Variants in TNFAIP1 observed in about 807,000 individuals in gnomAD.
The protein encoded by TNFAIP1 is TNF alpha induced protein 1.
A neutral mutation model predicts 32.6 loss-of-function variants in TNFAIP1; 20 were observed. The ratio of observed to expected loss-of-function variants is 0.61; its 90% CI spans 0.43 to 0.89. TNFAIP1 has a LOEUF of 0.89. Ranked by LOEUF, TNFAIP1 falls within the 40% of genes least tolerant of loss-of-function variation. The probability of loss-of-function intolerance (pLI) is 0.00; values close to 1 mark genes in which losing one functional copy is unlikely to be tolerated. For missense variants in TNFAIP1, 319 were observed against 425.1 expected (o/e 0.75, Z 2.20); for synonymous variants, 166 against 166.8 (o/e 1.00, Z 0.04).
intron 1 of TNFAIP1, among the ~76,000 whole-genome samples, 151 bp downstream of exon 1, chr17:28,336,007 C>T (rs189025826): frequency 6.6e-4 from 101 of 152,196 alleles, no homozygotes; most frequent in African/African-American, 2.4e-3. Flanking sequence ...GCGTGAGAAC[C>T]GGTGTGGGTT....
chr17:28,338,197 C>G (rs1907240771), intron 1 of TNFAIP1, among the ~76,000 whole-genome samples: 1 of 152,158 alleles, frequency 6.6e-6, no homozygotes, highest in Non-Finnish European at 1.5e-5. Flanking sequence ...GTCTTGACTC[C>G]TGGGCTCAAG....
At chr17:28,341,381 C>T (rs1555578147) in intron 4 of TNFAIP1, 23 bp from the exon 5 acceptor site, 7 of 1,614,232 alleles carry the variant, frequency 4.3e-6, no homozygotes, top group Non-Finnish European at 5.9e-6. Flanking sequence ...TGGCCTGGCC[C>T]CTCACTCTGA....
rs376461261 is a variant in TNFAIP1 at position 28,342,482 on chromosome 17, C to T, written c.714+40C>T. The T allele has an allele frequency of 2.6e-6, 4 of 1,543,540 alleles. No individual in the cohort carries two copies. The highest frequency in any genetic ancestry group is 3.5e-6 in the Non-Finnish European group (4 of 1,130,050). On this transcript the variant is annotated intron_variant, in intron 6 of 6. Coordinates refer to ENST00000226225, the MANE Select transcript of TNFAIP1 (RefSeq NM_021137.5). This position sits in a 1 kb window ranked among gnomAD's most constrained non-coding sequence, Gnocchi z 4.0. The stretch of plus-strand genomic sequence containing the variant: ...CCCTGCCTGGGTAGGGGAGGACACA[C>T]ACCCACTGTGCGGGGGACGTGGTCG...
Position 28,344,390 on chromosome 17 carries a change from T to A in TNFAIP1, c.741T>A (p.Tyr247Ter). ...TKVEFPEARIYEETLNVLLYE... is the reference protein window; with the variant it reads ...TKVEFPEARI ...TGGAATTCCCAGAGGCCCGAATCTA[T>A]GAGGAGACACTCAACGTCCTACTCT... The change falls in exon 7 of 7, where the codon TAT becomes TAA. Residue 247 changes from tyrosine to a stop codon, truncating the protein, a stop_gained. Transcript: ENST00000226225. LOFTEE classifies it high-confidence loss of function. 1.2e-6 allele frequency: 2 copies of A among 1,613,798 alleles called. No homozygotes were observed. Among genetic ancestry groups the A allele is most frequent in the Non-Finnish European group, 1.7e-6 (2 of 1,179,976 alleles).
At position 28,344,581 on chromosome 17, in the gene TNFAIP1, A is replaced by G. The variant is rs1907480500; in HGVS notation, c.932A>G (p.Gln311Arg). 6.2e-7 allele frequency: 1 copy of G among 1,613,100 alleles called. No individual in the cohort carries two copies. The highest frequency in any genetic ancestry group is 8.5e-7 in the Non-Finnish European group (1 of 1,180,010). Reference sequence around the variant, plus strand: ...TACGATGACCGGCAGCTCGGCCACCAGTCTACCCATCGCGACTGACCAGAC... The same window carrying G: ...TACGATGACCGGCAGCTCGGCCACCGGTCTACCCATCGCGACTGACCAGAC... The part of the protein sequence containing the change: ...STYDDRQLGH[Q>R]STHRD The change falls in exon 7 of 7, where the codon CAG (glutamine) becomes CGG (arginine). Residue 311 changes from glutamine (Q) to arginine (R), a missense_variant. By Grantham distance (43) the Gln-to-Arg change is conservative. Coordinates refer to ENST00000226225, the MANE Select transcript of TNFAIP1 (RefSeq NM_021137.5).
chr17:28,341,593 A>G (rs1907365372), intron 5 of TNFAIP1, 137 bp downstream of exon 5: 1 of 960,450 alleles, frequency 1.0e-6, no homozygotes, highest in Admixed American at 2.3e-5. Flanking sequence ...AACAGAAAGT[A>G]GAAGGGAAAT....
intron 1 of TNFAIP1, among the ~76,000 whole-genome samples, chr17:28,338,486 G>A (rs1482115183): frequency 5.0e-5 from 6 of 120,450 alleles, no homozygotes; most frequent in Non-Finnish European, 1.0e-4. Flanking sequence ...AGCCCCAGCC[G>A]AAGCCCAGGT....
In TNFAIP1 at chr17:28,340,293, C is replaced by A; in HGVS notation, c.206-16C>A. 1.9e-5 allele frequency: 31 copies of A among 1,612,784 alleles called. No homozygotes were observed. Among genetic ancestry groups the A allele is most frequent in the Non-Finnish European group, 2.6e-5 (31 of 1,179,126 alleles). On this transcript the variant is annotated splice_polypyrimidine_tract_variant and intron_variant, in intron 2 of 6. Coordinates refer to ENST00000226225, the MANE Select transcript of TNFAIP1 (RefSeq NM_021137.5). The surrounding 1 kb of genome is among the most constrained non-coding windows in gnomAD (Gnocchi z 4.1). The stretch of plus-strand genomic sequence containing the variant: ...CTGGCGGCAAACTAACCCTGTAGGG[C>A]CTTCTGCACCCCTAGGCTGGATCCT...
At chr17:28,341,504 G>C in intron 5 of TNFAIP1, 48 bp downstream of exon 5, 1 of 1,606,268 alleles carries the variant, frequency 6.2e-7, no homozygotes, top group Non-Finnish European at 8.5e-7. Context: ...CAGACCCAAG[G>C]AGTACTGCCT....
chr17:28,339,508 A>G lies in TNFAIP1; in HGVS notation c.-14A>G. On this transcript the variant is annotated 5_prime_UTR_variant, in exon 2 of 7. Coordinates refer to ENST00000226225, the MANE Select transcript of TNFAIP1 (RefSeq NM_021137.5). Reference sequence around the variant, plus strand: ...CCTACCTCCTGCCGTGTGGTGATCTACCTGCAGCGGGAGATGTCGGGGGAC... The same window carrying G: ...CCTACCTCCTGCCGTGTGGTGATCTGCCTGCAGCGGGAGATGTCGGGGGAC... 6.3e-7 allele frequency: 1 copy of G among 1,582,786 alleles called. No individual in the cohort carries two copies. Among genetic ancestry groups the G allele is most frequent in the Non-Finnish European group, 8.6e-7 (1 of 1,163,648 alleles).
intron 2 of TNFAIP1, among the ~76,000 whole-genome samples, 174 bp downstream of exon 2, chr17:28,339,900 T>C (rs1259181390): frequency 6.6e-6 from 1 of 152,234 alleles, no homozygotes; most frequent in African/African-American, 2.4e-5. Context: ...GCTGTGTTTA[T>C]GCATTTTCCA....
rs897393831 is a variant in TNFAIP1 at position 28,344,807 on chromosome 17, T to G, written c.*207T>G. The G allele has an allele frequency of 1.1e-4, 67 of 595,012 alleles. No homozygotes were observed. In the East Asian group the frequency reaches 1.8e-3, roughly 16 times the overall value. 36.9% of individuals were successfully genotyped at this position (595,012 alleles called of 1,614,324 possible). A position where few individuals can be genotyped will look rare whatever the true frequency, so the allele number is the denominator to read the frequency against. ...CTGAGCACTTCTGGAGACTGCGTCC[T>G]GTCCTATCTGCTCACCATCACCCTT... On this transcript the variant is annotated 3_prime_UTR_variant, in exon 7 of 7. Transcript: ENST00000226225.
At position 28,342,709 on chromosome 17, in the gene TNFAIP1, G is replaced by C. The variant is rs1231038533; in HGVS notation, c.714+267G>C. On this transcript the variant is annotated intron_variant, in intron 6 of 6. Coordinates refer to ENST00000226225, the MANE Select transcript of TNFAIP1 (RefSeq NM_021137.5). This position sits in a 1 kb window ranked among gnomAD's most constrained non-coding sequence, Gnocchi z 4.0. ...TGGGAAGGACTGGGTCTTTGAAGTT[G>C]GCCCAATTCAGGTTTGAACGCTGGC... 6.6e-6 allele frequency among the ~76,000 whole-genome samples: 1 copy of C among 152,220 alleles called. No homozygotes were observed. Among genetic ancestry groups the C allele is most frequent in the Non-Finnish European group, 1.5e-5 (1 of 68,042 alleles).
At position 28,345,325 on chromosome 17, in the gene TNFAIP1, TCTGGCTTTGCAGC is replaced by T. The variant is rs1174479962; in HGVS notation, c.*731_*743del. 1 of 1,386 alleles carries T rather than the reference TCTGGCTTTGCAGC, an allele frequency of 7.2e-4. No individual in the cohort carries two copies. Among genetic ancestry groups the T allele is most frequent in the Non-Finnish European group, 3.4e-3 (1 of 290 alleles). 0.1% of individuals were successfully genotyped at this position (1,386 alleles called of 1,614,324 possible). A position where few individuals can be genotyped will look rare whatever the true frequency, so the allele number is the denominator to read the frequency against. ...AAAAAAAAACATCCGACAGAGCAGC[TCTGGCTTTGCAGC>T]CTGGCCAGCAGCTCAGAGTGCACCG... On this transcript the variant is annotated 3_prime_UTR_variant, in exon 7 of 7. Coordinates refer to ENST00000226225, the MANE Select transcript of TNFAIP1 (RefSeq NM_021137.5).
chr17:28,341,725 C>T (rs979450961), intron 5 of TNFAIP1, among the ~76,000 whole-genome samples: 3 of 152,198 alleles, frequency 2.0e-5, no homozygotes, highest in Non-Finnish European at 4.4e-5. Flanking sequence ...CACGTGTCAT[C>T]CTACCGGGTG....
intron 6 of TNFAIP1, among the ~76,000 whole-genome samples, chr17:28,344,051 C>A (rs1907457696): frequency 6.6e-6 from 1 of 152,118 alleles, no homozygotes; most frequent in South Asian, 2.1e-4. Flanking sequence ...AGGGTTCAGC[C>A]CAAGGCTCCA....
intron 1 of TNFAIP1, among the ~76,000 whole-genome samples, chr17:28,338,473 GGAAGCCCCAGCC>G (rs72418702): frequency 0.11 from 16,915 of 152,116 alleles, 1,108 homozygotes; most frequent in East Asian, 0.23. Flanking sequence ...GGGAAGGTCA[GGAAGCCCCAGCC>G]GAAGCCCAGG....
rs1049313143 is a variant in TNFAIP1 at position 28,342,172 on chromosome 17, G to A, written c.519-75G>A. On this transcript the variant is annotated intron_variant, in intron 5 of 6. Transcript: ENST00000226225. This position sits in a 1 kb window ranked among gnomAD's most constrained non-coding sequence, Gnocchi z 4.0. ...AGGATGGGGGAAGGGAGGGAGGGGA[G>A]GGCCCCACTTGTCTAGCACCCTCCC... 11 of 1,324,550 alleles carry A rather than the reference G, an allele frequency of 8.3e-6. No individual in the cohort carries two copies. In the Admixed American group the frequency reaches 8.7e-5, roughly 10 times the overall value. 82.0% of individuals were successfully genotyped at this position (1,324,550 alleles called of 1,614,324 possible). A position where few individuals can be genotyped will look rare whatever the true frequency, so the allele number is the denominator to read the frequency against.
In TNFAIP1 at chr17:28,341,322, C is replaced by T; in HGVS notation, c.461C>T (p.Thr154Ile). ...KEEERLIESSTKPVVKLLYNR... is the reference protein window; with the variant it reads ...KEEERLIESSIKPVVKLLYNR... ...GAGGAGCGGCTCATCGAATCCTCCACCAAGGTACCAGGACCTCTGAGGGGT... is the reference window on the plus strand; with the variant it reads ...GAGGAGCGGCTCATCGAATCCTCCATCAAGGTACCAGGACCTCTGAGGGGT... Residue 154 changes from threonine to isoleucine, a missense_variant, in exon 4 of 7, where the codon ACC (threonine) becomes ATC (isoleucine). Physicochemically the swap from Thr to Ile is moderately conservative, Grantham distance 89. Transcript: ENST00000226225. 1 of 1,614,224 alleles carries T rather than the reference C, an allele frequency of 6.2e-7. No individual in the cohort carries two copies. Among genetic ancestry groups the T allele is most frequent in the East Asian group, 2.2e-5 (1 of 44,880 alleles).
Sources: allele counts gnomAD v4.1 joint callset (sites outside exome capture counted in the v4.1 genomes callset), GRCh38; gene constraint gnomAD v4.1.1; non-coding constraint Gnocchi (gnomAD v3.1); transcripts MANE v1.5; gene names NCBI Gene and HGNC (gene_info 2026-07-23, HGNC 2026-07-21).